Variants in PBX3 observed in about 807,000 individuals in gnomAD.
PBX3 encodes PBX homeobox 3.
In PBX3, 14 loss-of-function variants were observed where a neutral mutation model predicts 48.5. The ratio of observed to expected loss-of-function variants is 0.29; its 90% CI spans 0.19 to 0.45. The LOEUF is 0.45. Among genes scored for constraint, PBX3 ranks in the 20% least tolerant of loss-of-function variants. PBX3 has a pLI of 1.00. For synonymous variants in PBX3, 210 were observed against 200.3 expected (o/e 1.05, Z -0.41); for missense variants, 386 against 546.7 (o/e 0.71, Z 2.93).
intron 2 of PBX3, among the ~76,000 whole-genome samples, chr9:125,807,077 C>CT (rs1157177237): frequency 1.3e-5 from 2 of 152,218 alleles, no homozygotes; most frequent in Non-Finnish European, 2.9e-5. Context: ...AATCCCAGTA[C>CT]TTTGGGAGGC....
intron 4 of PBX3, 144 bp downstream of exon 4, chr9:125,929,989 G>A (rs1841679933): frequency 4.6e-6 from 3 of 649,598 alleles, no homozygotes; most frequent in Admixed American, 2.9e-5. Context: ...TCAACTCATG[G>A]TTCCTGTGCT....
chr9:125,770,359 C>T (rs2131999299), intron 2 of PBX3, among the ~76,000 whole-genome samples: 1 of 152,206 alleles, frequency 6.6e-6, no homozygotes, highest in East Asian at 1.9e-4. Context: ...GTTCCTTTAG[C>T]TCCATTAATT....
At chr9:125,782,596 CAT>C (rs1286059390) in intron 2 of PBX3, among the ~76,000 whole-genome samples, 12 of 152,334 alleles carry the variant, frequency 7.9e-5, no homozygotes, top group African/African-American at 2.9e-4. Context: ...ACATACCAAA[CAT>C]ATGTTAATAT....
At chr9:125,805,218 G>C (rs1404569945) in intron 2 of PBX3, among the ~76,000 whole-genome samples, 2 of 152,044 alleles carry the variant, frequency 1.3e-5, no homozygotes, top group African/African-American at 4.8e-5. Flanking sequence ...GGACTGCCAA[G>C]TGCACAGGCC....
intron 2 of PBX3, among the ~76,000 whole-genome samples, chr9:125,770,130 T>C (rs781742905): frequency 2.6e-5 from 4 of 152,164 alleles, no homozygotes; most frequent in Non-Finnish European, 5.9e-5. Context: ...GGGATGTACA[T>C]TGCAGTGTAT....
chr9:125,965,758 TC>T, intron 8 of PBX3, 72 bp from the exon 9 acceptor site: 1 of 1,101,692 alleles, frequency 9.1e-7, no homozygotes, highest in Admixed American at 1.7e-5. Context: ...CATGTTGTCA[TC>T]CGGGTGTTTT....
intron 8 of PBX3, among the ~76,000 whole-genome samples, chr9:125,963,359 C>T (rs1289659396): frequency 6.6e-6 from 1 of 152,162 alleles, no homozygotes; most frequent in Non-Finnish European, 1.5e-5. Flanking sequence ...GACGCCATTT[C>T]CTACCATCAG....
intron 2 of PBX3, among the ~76,000 whole-genome samples, chr9:125,905,971 T>C (rs1048705270): frequency 2.6e-5 from 4 of 151,984 alleles, no homozygotes; most frequent in Admixed American, 1.3e-4. Flanking sequence ...TATACTACCA[T>C]GAGAAGCACT....
chr9:125,777,152 C>T (rs1837095718), intron 2 of PBX3, among the ~76,000 whole-genome samples: 2 of 151,254 alleles, frequency 1.3e-5, no homozygotes, highest in African/African-American at 4.9e-5. Context: ...GCTGGGACTA[C>T]AGATATGTGC....
At chr9:125,818,060 A>G (rs1488994924) in intron 2 of PBX3, among the ~76,000 whole-genome samples, 1 of 152,050 alleles carries the variant, frequency 6.6e-6, no homozygotes, top group Non-Finnish European at 1.5e-5. Context: ...ATTAGCTAGC[A>G]TAGTGGCTCA....
intron 8 of PBX3, 149 bp downstream of exon 8, chr9:125,963,250 A>G (rs573450613): frequency 1.9e-6 from 1 of 521,178 alleles, no homozygotes; most frequent in South Asian, 3.4e-5. Context: ...TAAGAACCTA[A>G]ATGCTTGATG....
chr9:125,915,742 C>G lies in PBX3; in HGVS notation c.331C>G (p.Leu111Val). ...EDPPDPQLMRLDNMLLAEGVS... is the reference protein window; with the variant it reads ...EDPPDPQLMRVDNMLLAEGVS... Reference sequence around the variant, plus strand: ...CCCTCCCGATCCCCAGCTAATGAGACTGGACAATATGCTTTTGGCAGAAGG... The same window carrying G: ...CCCTCCCGATCCCCAGCTAATGAGAGTGGACAATATGCTTTTGGCAGAAGG... Residue 111 changes from leucine (L) to valine (V), a missense_variant, in exon 3 of 9, where the codon CTG becomes GTG. Physicochemically the swap from Leu to Val is conservative, Grantham distance 32 (BLOSUM62 1). Transcript: ENST00000373489. The G allele has an allele frequency of 1.9e-6, 3 of 1,614,092 alleles. No individual in the cohort carries two copies. Among genetic ancestry groups the G allele is most frequent in the Non-Finnish European group, 2.5e-6 (3 of 1,180,004 alleles).
At chr9:125,923,191 C>A (rs944904695) in intron 3 of PBX3, among the ~76,000 whole-genome samples, 4 of 152,272 alleles carry the variant, frequency 2.6e-5, no homozygotes, top group Admixed American at 2.6e-4. Context: ...TTATATAAGT[C>A]TTTGGCTGCT....
intron 2 of PBX3, among the ~76,000 whole-genome samples, chr9:125,865,955 T>G (rs560102748): frequency 6.6e-6 from 1 of 151,742 alleles, no homozygotes; most frequent in Non-Finnish European, 1.5e-5. Flanking sequence ...TCCCTGTTTT[T>G]CCCCCAATTT....
intron 3 of PBX3, among the ~76,000 whole-genome samples, chr9:125,924,532 C>G (rs1335986281): frequency 6.6e-6 from 1 of 152,130 alleles, no homozygotes; most frequent in Non-Finnish European, 1.5e-5. Context: ...TGTCAGTTAA[C>G]TTTTTGTACT....
At chr9:125,784,695 TTAAAA>T (rs1285540658) in intron 2 of PBX3, among the ~76,000 whole-genome samples, 2 of 152,036 alleles carry the variant, frequency 1.3e-5, no homozygotes, top group Admixed American at 6.6e-5. Flanking sequence ...AAATAAATAA[TTAAAA>T]TAAAGGAGGA....
At chr9:125,872,835 A>G (rs550347082) in intron 2 of PBX3, among the ~76,000 whole-genome samples, 5 of 151,696 alleles carry the variant, frequency 3.3e-5, no homozygotes, top group Non-Finnish European at 7.4e-5. Flanking sequence ...AAATGGTCCA[A>G]TTAGACAGGA....
intron 2 of PBX3, among the ~76,000 whole-genome samples, chr9:125,878,838 T>C (rs1402432024): frequency 1.3e-5 from 2 of 152,218 alleles, no homozygotes; most frequent in Non-Finnish European, 2.9e-5. Flanking sequence ...GTTAGTGATA[T>C]AAGAGGTGAT....
rs569959615 is a variant in PBX3, at chr9:125,868,248, T to C, written c.275-47438T>C. Among the ~76,000 whole-genome samples, 8 of 152,326 alleles carry C rather than the reference T, an allele frequency of 5.3e-5. No individual in the cohort carries two copies. In the South Asian group the frequency reaches 1.7e-3, roughly 32 times the overall value. On this transcript the variant is annotated intron_variant, in intron 2 of 8. Transcript: ENST00000373489. ...AGCACTTTGTATGAATTTATTCATG[T>C]AGTTTTCATAAGAACCCTATGAGTA... is the stretch of plus-strand genomic sequence containing the variant.
Sources: allele counts gnomAD v4.1 joint callset (sites outside exome capture counted in the v4.1 genomes callset), GRCh38; gene constraint gnomAD v4.1.1; transcripts MANE v1.5; gene names NCBI Gene and HGNC (gene_info 2026-07-23, HGNC 2026-07-21).